Variants in RBFOX1 observed in about 807,000 individuals in gnomAD.
RBFOX1 encodes RNA binding fox-1 homolog 1, also known as RNA binding protein fox-1 homolog 1.
A neutral mutation model predicts 57.7 loss-of-function variants in RBFOX1; 8 were observed. The observed-to-expected ratio is 0.14, with a 90% confidence interval of 0.08 to 0.25. The LOEUF (loss-of-function observed/expected upper bound fraction) is 0.25. Among genes scored for constraint, RBFOX1 ranks in the 10% least tolerant of loss-of-function variants. The pLI is 1.00. For synonymous variants in RBFOX1, 326 were observed against 222.4 expected (o/e 1.47, Z -4.15); for missense variants, 611 against 548.5 (o/e 1.11, Z -1.14).
chr16:5,839,044 G>T (rs1422460165), intron 3 of RBFOX1, among the ~76,000 whole-genome samples: 1 of 152,150 alleles, frequency 6.6e-6, no homozygotes, highest in Non-Finnish European at 1.5e-5. Flanking sequence ...AGAGGCCAGG[G>T]ATATTGATAA....
intron 3 of RBFOX1, among the ~76,000 whole-genome samples, chr16:6,863,404 A>G (rs1336172457): frequency 6.6e-6 from 1 of 152,110 alleles, no homozygotes; most frequent in Non-Finnish European, 1.5e-5. Flanking sequence ...AAAGCTCCTT[A>G]CTAAAATTTA....
At chr16:7,072,631 A>T (rs2057555270) in intron 4 of RBFOX1, among the ~76,000 whole-genome samples, 1 of 152,222 alleles carries the variant, frequency 6.6e-6, no homozygotes, top group Non-Finnish European at 1.5e-5. Context: ...CTGCCCTAGG[A>T]AGAGATTTCA....
At chr16:6,752,554 A>G (rs1224381746) in intron 3 of RBFOX1, among the ~76,000 whole-genome samples, 1 of 152,198 alleles carries the variant, frequency 6.6e-6, no homozygotes, top group Non-Finnish European at 1.5e-5. Context: ...GCGCATTCCT[A>G]AAGAATAGAG....
chr16:7,005,687 G>A (rs1401168981), intron 3 of RBFOX1, among the ~76,000 whole-genome samples: 2 of 152,148 alleles, frequency 1.3e-5, no homozygotes, highest in East Asian at 3.9e-4. Context: ...CATCAGACAA[G>A]GCCATCTCAG....
chr16:7,678,293 C>G (rs1167892975), intron 14 of RBFOX1, among the ~76,000 whole-genome samples: 1 of 152,148 alleles, frequency 6.6e-6, no homozygotes, highest in East Asian at 1.9e-4. Context: ...ATCTCCAACA[C>G]ACTTTGACAC....
At chr16:6,612,028 A>G (rs1396712187) in intron 2 of RBFOX1, among the ~76,000 whole-genome samples, 1 of 152,116 alleles carries the variant, frequency 6.6e-6, no homozygotes, top group Non-Finnish European at 1.5e-5. Context: ...TTTTGGTTGA[A>G]AAGTCCCGGA....
rs1331224481 is a variant in RBFOX1, at chr16:6,849,502, T to C, written c.-16+194852T>C. ...CGCCAATATGGCAAAACCCTATCTC[T>C]ACTAAACAATACAAAAATTAGCTGG... is the stretch of plus-strand genomic sequence containing the variant. On this transcript the variant is annotated intron_variant, in intron 3 of 15. Transcript: ENST00000550418. 2.0e-5 allele frequency among the ~76,000 whole-genome samples: 3 copies of C among 152,190 alleles called. No homozygotes were observed. The East Asian group carries it at 5.8e-4, about 29-fold the overall frequency.
intron 1 of RBFOX1, among the ~76,000 whole-genome samples, chr16:5,269,980 C>A (rs1261047793): frequency 3.9e-5 from 6 of 152,054 alleles, no homozygotes; most frequent in Non-Finnish European, 8.8e-5. Flanking sequence ...CATGGCAAGA[C>A]CCTGTCTCTA....
intron 4 of RBFOX1, among the ~76,000 whole-genome samples, chr16:7,467,964 G>A (rs1445908076): frequency 6.6e-6 from 1 of 152,208 alleles, no homozygotes; most frequent in Non-Finnish European, 1.5e-5. Flanking sequence ...TGCTAAGAGG[G>A]AAAACCTTTA....
intron 3 of RBFOX1, among the ~76,000 whole-genome samples, chr16:6,980,707 G>T (rs981392973): frequency 6.6e-6 from 1 of 152,142 alleles, no homozygotes; most frequent in Non-Finnish European, 1.5e-5. Flanking sequence ...TTTGGAGGGA[G>T]CAATGTCATC....
intron 4 of RBFOX1, among the ~76,000 whole-genome samples, chr16:7,249,292 T>C (rs2094426242): frequency 6.6e-6 from 1 of 152,162 alleles, no homozygotes. Context: ...TTCTTTCTAT[T>C]GGATGAACCC....
chr16:7,430,087 T>C (rs537319613), intron 4 of RBFOX1, among the ~76,000 whole-genome samples: 3 of 152,214 alleles, frequency 2.0e-5, no homozygotes, highest in South Asian at 2.1e-4. Flanking sequence ...GCGGAATGAA[T>C]TGATTTTTAA....
chr16:5,853,671 A>C (rs747961111), intron 3 of RBFOX1, among the ~76,000 whole-genome samples: 6 of 152,230 alleles, frequency 3.9e-5, no homozygotes, highest in Non-Finnish European at 8.8e-5. Flanking sequence ...AACAGAGTTC[A>C]GGATGTGAAG....
chr16:7,583,913 C>T (rs559536677), intron 6 of RBFOX1, among the ~76,000 whole-genome samples: 2 of 152,272 alleles, frequency 1.3e-5, no homozygotes, highest in African/African-American at 4.8e-5. Context: ...CACAAAAAAA[C>T]AGATCACATG....
At chr16:7,004,530 C>T (rs1335014606) in intron 3 of RBFOX1, among the ~76,000 whole-genome samples, 3 of 152,150 alleles carry the variant, frequency 2.0e-5, no homozygotes, top group African/African-American at 7.2e-5. Flanking sequence ...AGAGAGAGAC[C>T]ATCTCTTTGT....
At chr16:5,531,336 T>A (rs1433760697) in intron 2 of RBFOX1, among the ~76,000 whole-genome samples, 1 of 152,086 alleles carries the variant, frequency 6.6e-6, no homozygotes, top group Non-Finnish European at 1.5e-5. Flanking sequence ...AAATTTAGGC[T>A]GGGGTTCCAT....
intron 2 of RBFOX1, among the ~76,000 whole-genome samples, chr16:5,485,673 C>T (rs1164493846): frequency 1.3e-5 from 2 of 152,172 alleles, no homozygotes; most frequent in African/African-American, 4.8e-5. Flanking sequence ...GTCCAGGCAG[C>T]CTGAGTCTAA....
At chr16:6,511,112 C>T (rs183812644) in intron 2 of RBFOX1, among the ~76,000 whole-genome samples, 25 of 152,286 alleles carry the variant, frequency 1.6e-4, no homozygotes. Context: ...CACGTAAGAG[C>T]AGGCACTGGA....
intron 3 of RBFOX1, among the ~76,000 whole-genome samples, chr16:6,685,265 G>C (rs372103019): frequency 1.4e-5 from 2 of 139,554 alleles, no homozygotes; most frequent in African/African-American, 5.2e-5. Context: ...AAGAGAGGGA[G>C]AGTTTTTCTT....
Sources: gnomAD v4.1 joint callset for allele counts (sites outside exome capture counted in the v4.1 genomes callset) on GRCh38, gnomAD v4.1.1 for gene constraint, MANE v1.5 for transcripts, NCBI Gene and HGNC (gene_info 2026-07-23, HGNC 2026-07-21) for gene names.